The following ERBB4 variants were observed in gnomAD, a reference collection of about 807,000 sequenced individuals.
The protein encoded by ERBB4 is erb-b2 receptor tyrosine kinase 4.
In ERBB4, 42 loss-of-function variants were observed where a neutral mutation model predicts 158.0. The ratio of observed to expected loss-of-function variants is 0.27; its 90% confidence interval spans 0.21 to 0.34. The LOEUF is 0.34. Among genes scored for constraint, ERBB4 ranks in the 10% least tolerant of loss-of-function variants. ERBB4 has a pLI of 1.00. For missense variants in ERBB4, 1,333 were observed against 1,624.1 expected (o/e 0.82, Z 3.08); for synonymous variants, 583 against 558.7 (o/e 1.04, Z -0.61).
chr2:211,772,926 T>TATATAC (rs2075748742), intron 4 of ERBB4, among the ~76,000 whole-genome samples: 2 of 45,468 alleles, frequency 4.4e-5, no homozygotes, highest in Non-Finnish European at 6.8e-5. Flanking sequence ...CACACACACA[T>TATATAC]ATATATATAT....
At chr2:212,202,905 C>T (rs2082629332) in intron 1 of ERBB4, among the ~76,000 whole-genome samples, 1 of 151,740 alleles carries the variant, frequency 6.6e-6, no homozygotes, top group Non-Finnish European at 1.5e-5. Context: ...AGTTTTTACA[C>T]ATCGGCTAAT....
chr2:212,320,144 G>A (rs1296077135), intron 1 of ERBB4, among the ~76,000 whole-genome samples: 1 of 148,094 alleles, frequency 6.8e-6, no homozygotes, highest in Admixed American at 6.7e-5. Flanking sequence ...TTGCGGGATG[G>A]AAAAAGTCTG....
intron 20 of ERBB4, among the ~76,000 whole-genome samples, chr2:211,513,130 G>GT (rs1376596697): frequency 1.3e-5 from 2 of 150,758 alleles, no homozygotes; most frequent in African/African-American, 4.9e-5. Context: ...CTCAAGCCCT[G>GT]TTTAAAAAAA....
At chr2:211,846,521 G>C (rs2077593484) in intron 3 of ERBB4, among the ~76,000 whole-genome samples, 1 of 151,996 alleles carries the variant, frequency 6.6e-6, no homozygotes, top group Admixed American at 6.6e-5. Context: ...AAATGAGCTG[G>C]AGAAATATTC....
chr2:212,080,086 G>T (rs1553551424), intron 2 of ERBB4, among the ~76,000 whole-genome samples: 1 of 151,854 alleles, frequency 6.6e-6, no homozygotes, highest in Non-Finnish European at 1.5e-5. Context: ...CCAGCACTTT[G>T]GTGGATCACA....
intron 25 of ERBB4, among the ~76,000 whole-genome samples, chr2:211,402,978 C>G (rs1490094455): frequency 6.6e-6 from 1 of 152,084 alleles, no homozygotes; most frequent in East Asian, 1.9e-4. Context: ...AAGCTTTAGA[C>G]TCTTCAGTTA....
intron 8 of ERBB4, among the ~76,000 whole-genome samples, chr2:211,713,281 T>G (rs544445589): frequency 6.6e-6 from 1 of 152,172 alleles, no homozygotes; most frequent in Non-Finnish European, 1.5e-5. Context: ...AACAGGCAAC[T>G]TTATTTCTGA....
At chr2:211,707,297 A>G (rs2073484269) in intron 9 of ERBB4, among the ~76,000 whole-genome samples, 1 of 152,254 alleles carries the variant, frequency 6.6e-6, no homozygotes, top group Non-Finnish European at 1.5e-5. Flanking sequence ...CCACTCACTG[A>G]TTTCAAAGTA....
At chr2:211,409,817 C>T (rs978491185) in intron 25 of ERBB4, among the ~76,000 whole-genome samples, 3 of 152,278 alleles carry the variant, frequency 2.0e-5, no homozygotes, top group Middle Eastern at 3.4e-3. Context: ...CACAAGGACA[C>T]TGGGCTACAG....
At chr2:211,976,736 C>G (rs1325389745) in intron 2 of ERBB4, among the ~76,000 whole-genome samples, 1 of 151,982 alleles carries the variant, frequency 6.6e-6, no homozygotes, top group Non-Finnish European at 1.5e-5. Context: ...TACAAAAAAT[C>G]ATATCCAAAA....
At chr2:211,955,670 G>T (rs773601010) in intron 2 of ERBB4, among the ~76,000 whole-genome samples, 8 of 152,028 alleles carry the variant, frequency 5.3e-5, no homozygotes, top group Non-Finnish European at 1.5e-5. Flanking sequence ...TAGCAGCCAG[G>T]CCTCAGTCAA....
intron 1 of ERBB4, among the ~76,000 whole-genome samples, chr2:212,344,046 A>G (rs1317111712): frequency 6.6e-6 from 1 of 152,166 alleles, no homozygotes; most frequent in Non-Finnish European, 1.5e-5. Context: ...TTTTAAATTT[A>G]TTTTGCATAA....
chr2:212,033,900 G>A (rs1005495078), intron 2 of ERBB4, among the ~76,000 whole-genome samples: 3 of 151,728 alleles, frequency 2.0e-5, no homozygotes, highest in South Asian at 2.1e-4. Context: ...AATAGTATAA[G>A]GAAAATACTG....
chr2:212,334,583 C>T (rs761601868), intron 1 of ERBB4, among the ~76,000 whole-genome samples: 3 of 152,044 alleles, frequency 2.0e-5, no homozygotes, highest in Middle Eastern at 3.4e-3. Context: ...TTTTAGCACT[C>T]ATCATATTGC....
intron 1 of ERBB4, among the ~76,000 whole-genome samples, chr2:212,369,020 C>T (rs926939274): frequency 6.6e-6 from 1 of 152,136 alleles, no homozygotes; most frequent in African/African-American, 2.4e-5. Flanking sequence ...CCCCAGTGCA[C>T]ATTTGACAAG....
At chr2:211,952,096 A>G (rs1248874971) in intron 2 of ERBB4, among the ~76,000 whole-genome samples, 2 of 152,068 alleles carry the variant, frequency 1.3e-5, no homozygotes, top group East Asian at 3.9e-4. Context: ...AAGCATTTTA[A>G]AAAGAGTTAC....
chr2:212,422,798 G>T (rs1011125093), intron 1 of ERBB4, among the ~76,000 whole-genome samples: 18 of 152,258 alleles, frequency 1.2e-4, no homozygotes, highest in African/African-American at 4.3e-4. Flanking sequence ...TACCAAGTTA[G>T]AAATTAGTGT....
At chr2:211,559,768 C>T (rs981589105) in intron 20 of ERBB4, among the ~76,000 whole-genome samples, 2 of 152,180 alleles carry the variant, frequency 1.3e-5, no homozygotes, top group African/African-American at 2.4e-5. Flanking sequence ...TTTACTCATA[C>T]ATACCTCAGT....
At position 211,861,145 on chromosome 2, in the gene ERBB4, T is replaced by TA. The variant is rs1262320934; in HGVS notation, c.422-72987dup. On this transcript the variant is annotated intron_variant, in intron 3 of 27. Transcript: ENST00000342788. Reference sequence around the variant, plus strand: ...TATTTTATATATATATATATATATATATATATATATTAAAAAAAAGTAGTT... The same window carrying TA: ...TATTTTATATATATATATATATATATAATATATATATTAAAAAAAAGTAGTT... Among the ~76,000 whole-genome samples, 3 of 68,752 alleles carry TA rather than the reference T, an allele frequency of 4.4e-5. 1 individual carries two copies. The highest frequency in any genetic ancestry group is 1.7e-4 in the African/African-American group (3 of 17,892). 45.1% of individuals were successfully genotyped at this position (68,752 alleles called of 152,430 possible).
Sources: gnomAD v4.1 joint callset for allele counts (sites outside exome capture counted in the v4.1 genomes callset) on GRCh38, gnomAD v4.1.1 for gene constraint, MANE v1.5 for transcripts, NCBI Gene and HGNC (gene_info 2026-07-23, HGNC 2026-07-21) for gene names.